Variants in TBCK observed in about 807,000 individuals in gnomAD.
The protein encoded by TBCK is TBC1 domain containing kinase.
A neutral mutation model predicts 113.4 loss-of-function variants in TBCK; 99 were observed. The ratio of observed to expected loss-of-function variants is 0.87; its 90% CI spans 0.74 to 1.03. The LOEUF (loss-of-function observed/expected upper bound fraction) is 1.03. Ranked by LOEUF, TBCK falls within the 50% of genes least tolerant of loss-of-function variation. TBCK has a pLI of 0.00. For synonymous variants in TBCK, 369 were observed against 370.8 expected, an observed-to-expected ratio of 1.00 and a Z score of 0.05; for missense variants, 1,045 against 1,061.3, an observed-to-expected ratio of 0.98 and a Z score of 0.21.
intron 12 of TBCK, chr4:106,238,736 G>A (rs1019125151): frequency 9.2e-5 from 14 of 152,230 alleles, no homozygotes; most frequent in African/African-American, 2.6e-4. Context: ...TCAAGAACTC[G>A]TCTCACATCT....
At chr4:106,231,382 G>T (rs935963301) in intron 18 of TBCK, among the ~76,000 whole-genome samples, 2 of 151,704 alleles carry the variant, frequency 1.3e-5, no homozygotes, top group Non-Finnish European at 3.0e-5. Context: ...TAAGGAAGAG[G>T]TATCCAAAAT....
At chr4:106,260,306 G>T in intron 5 of TBCK, 131 bp downstream of exon 5, 1 of 391,688 alleles carries the variant, frequency 2.6e-6, no homozygotes, top group East Asian at 4.0e-5. Flanking sequence ...ATGGAAAATT[G>T]AGATGCATTA....
chr4:106,089,908 A>G (rs539299249), intron 25 of TBCK, among the ~76,000 whole-genome samples: 1 of 152,268 alleles, frequency 6.6e-6, no homozygotes, highest in Admixed American at 6.5e-5. Context: ...TTGAGTACCT[A>G]TGGCTTTTCC....
intron 25 of TBCK, among the ~76,000 whole-genome samples, chr4:106,089,227 T>A (rs1300141010): frequency 6.6e-6 from 1 of 152,002 alleles, no homozygotes; most frequent in Non-Finnish European, 1.5e-5. Context: ...GGAGCCAGGC[T>A]CCTTTAAACC....
At chr4:106,142,786 G>A (rs947238162) in intron 23 of TBCK, among the ~76,000 whole-genome samples, 11 of 152,140 alleles carry the variant, frequency 7.2e-5, no homozygotes, top group African/African-American at 2.7e-4. Flanking sequence ...CACTCTTCAT[G>A]AAGAAAATAT....
intron 3 of TBCK, among the ~76,000 whole-genome samples, chr4:106,285,190 AT>A (rs1432742168): frequency 2.0e-5 from 3 of 151,944 alleles, no homozygotes; most frequent in African/African-American, 7.2e-5. Context: ...AATGTTGAAT[AT>A]TTTTTTTCCT....
At chr4:106,166,144 G>C (rs1273005267) in intron 23 of TBCK, among the ~76,000 whole-genome samples, 1 of 151,372 alleles carries the variant, frequency 6.6e-6, no homozygotes, top group Admixed American at 6.6e-5. Flanking sequence ...CATTATTTTT[G>C]TATCTGCTTT....
At chr4:106,054,054 G>C (rs368211846) in intron 25 of TBCK, among the ~76,000 whole-genome samples, 5 of 151,634 alleles carry the variant, frequency 3.3e-5, no homozygotes, top group Non-Finnish European at 7.4e-5. Context: ...CTCACACAAC[G>C]TGAGTGATCC....
At chr4:106,239,660 A>G (rs910211509) in intron 12 of TBCK, among the ~76,000 whole-genome samples, 25 of 152,178 alleles carry the variant, frequency 1.6e-4, no homozygotes, top group African/African-American at 6.0e-4. Flanking sequence ...CTTAAAACAT[A>G]TAACTTTAGA....
intron 25 of TBCK, among the ~76,000 whole-genome samples, chr4:106,092,119 A>G (rs1740332362): frequency 1.3e-5 from 2 of 152,166 alleles, no homozygotes; most frequent in Admixed American, 6.5e-5. Context: ...ACAATCCCTT[A>G]GCTAGACATA....
chr4:106,050,405 C>T (rs1016493284), intron 25 of TBCK, among the ~76,000 whole-genome samples: 2 of 151,902 alleles, frequency 1.3e-5, no homozygotes, highest in African/African-American at 4.8e-5. Flanking sequence ...TTTTTGAGTA[C>T]ATGTGAAACA....
chr4:106,204,068 T>G (rs932140409), intron 20 of TBCK, among the ~76,000 whole-genome samples: 1 of 152,112 alleles, frequency 6.6e-6, no homozygotes, highest in African/African-American at 2.4e-5. Context: ...ATAAAAGAAA[T>G]AATGCAACAT....
At chr4:106,182,164 C>T (rs1752471547) in intron 22 of TBCK, among the ~76,000 whole-genome samples, 1 of 152,030 alleles carries the variant, frequency 6.6e-6, no homozygotes, top group Non-Finnish European at 1.5e-5. Flanking sequence ...ATTTGGCTCT[C>T]TGTTTATGTG....
At chr4:106,273,860 T>C (rs1763749039) in intron 3 of TBCK, among the ~76,000 whole-genome samples, 1 of 152,240 alleles carries the variant, frequency 6.6e-6, no homozygotes, top group Non-Finnish European at 1.5e-5. Context: ...TAAACGTCTG[T>C]TATTTTAAGC....
At chr4:106,146,551 C>T (rs989234094) in intron 23 of TBCK, among the ~76,000 whole-genome samples, 4 of 152,110 alleles carry the variant, frequency 2.6e-5, no homozygotes, top group African/African-American at 9.7e-5. Context: ...ACGTGTTTAT[C>T]TATGTAACAA....
intron 2 of TBCK, among the ~76,000 whole-genome samples, chr4:106,302,364 C>T (rs553402388): frequency 3.3e-5 from 5 of 152,102 alleles, no homozygotes; most frequent in South Asian, 2.1e-4. Context: ...AGTTCCCACC[C>T]GACTTTGATA....
intron 12 of TBCK, among the ~76,000 whole-genome samples, chr4:106,237,111 C>A (rs897966804): frequency 4.0e-5 from 6 of 151,694 alleles, no homozygotes; most frequent in Non-Finnish European, 8.8e-5. Context: ...TAGTATAAAA[C>A]TTAATGAATG....
At chr4:106,227,109 T>C (rs1758327966) in intron 19 of TBCK, among the ~76,000 whole-genome samples, 2 of 152,210 alleles carry the variant, frequency 1.3e-5, no homozygotes, top group African/African-American at 4.8e-5. Flanking sequence ...GTCCACACTG[T>C]AGAAAATGTG....
intron 17 of TBCK, 24 bp downstream of exon 17, chr4:106,232,914 A>C: frequency 1.2e-6 from 2 of 1,601,186 alleles, no homozygotes; most frequent in Non-Finnish European, 1.7e-6. Context: ...ACTCCAGAGG[A>C]GTTTTAATGA....
Sources: gnomAD v4.1 joint callset for allele counts (sites outside exome capture counted in the v4.1 genomes callset) on GRCh38, gnomAD v4.1.1 for gene constraint, MANE v1.5 for transcripts, NCBI Gene and HGNC (gene_info 2026-07-23, HGNC 2026-07-21) for gene names.